PDLIM1: variants seen among roughly 807,000 people sequenced by gnomAD.
The protein encoded by PDLIM1 is PDZ and LIM domain 1.
Under a neutral mutation model 35.2 loss-of-function variants are expected in PDLIM1, and 25 were observed. That is an observed-to-expected ratio of 0.71 (90% CI 0.52 to 0.99). The LOEUF is 0.99. Among genes scored for constraint, PDLIM1 ranks in the 50% least tolerant of loss-of-function variants. The pLI is 0.00. For synonymous variants in PDLIM1, 152 were observed against 154.0 expected, an observed-to-expected ratio of 0.99 and a Z score of 0.10; for missense variants, 363 against 415.3, an observed-to-expected ratio of 0.87 and a Z score of 1.09.
intron 4 of PDLIM1, among the ~76,000 whole-genome samples, chr10:95,247,870 G>A (rs556970127): frequency 1.3e-5 from 2 of 152,334 alleles, no homozygotes; most frequent in South Asian, 2.1e-4. Context: ...AGGCACTTGG[G>A]TCTCCTCACC....
chr10:95,283,836 T>G (rs923012812), intron 1 of PDLIM1, among the ~76,000 whole-genome samples: 1 of 152,200 alleles, frequency 6.6e-6, no homozygotes, highest in Admixed American at 6.5e-5. Flanking sequence ...CTGCTAAACC[T>G]CCCTGTGCCC....
At chr10:95,266,688 A>G (rs1414396356) in intron 3 of PDLIM1, among the ~76,000 whole-genome samples, 1 of 152,216 alleles carries the variant, frequency 6.6e-6, no homozygotes, top group Non-Finnish European at 1.5e-5. Context: ...CACATTTCCA[A>G]TTAGAATGGA....
intron 1 of PDLIM1, among the ~76,000 whole-genome samples, chr10:95,285,883 A>C (rs1031498960): frequency 1.4e-4 from 21 of 152,344 alleles, no homozygotes; most frequent in African/African-American, 5.1e-4. Flanking sequence ...ATATGTTTTA[A>C]CTATGGTTAT....
chr10:95,262,532 C>T (rs1314844454), intron 4 of PDLIM1, among the ~76,000 whole-genome samples: 1 of 152,196 alleles, frequency 6.6e-6, no homozygotes, highest in African/African-American at 2.4e-5. Context: ...GCATGAGGCA[C>T]GTGGCTGGAG....
At chr10:95,261,006 C>T (rs1179509026) in intron 4 of PDLIM1, among the ~76,000 whole-genome samples, 2 of 152,194 alleles carry the variant, frequency 1.3e-5, no homozygotes, top group Non-Finnish European at 2.9e-5. Context: ...CTGGGTTCAG[C>T]CTCAAAGAGT....
intron 4 of PDLIM1, among the ~76,000 whole-genome samples, chr10:95,253,187 C>T (rs547259738): frequency 2.6e-5 from 4 of 152,092 alleles, no homozygotes; most frequent in African/African-American, 9.6e-5. Flanking sequence ...GATTTCTTAT[C>T]AGAATCCATA....
intron 2 of PDLIM1, 84 bp downstream of exon 2, chr10:95,271,549 G>T: frequency 8.4e-7 from 1 of 1,195,862 alleles, no homozygotes; most frequent in Non-Finnish European, 1.2e-6. Flanking sequence ...AGGTCTGGGG[G>T]ATTCTGAGAT....
chr10:95,282,487 G>A (rs1452717978), intron 1 of PDLIM1, among the ~76,000 whole-genome samples: 1 of 152,210 alleles, frequency 6.6e-6, no homozygotes, highest in Non-Finnish European at 1.5e-5. Context: ...CCTTAATCCA[G>A]CTTCACACTA....
At chr10:95,243,212 T>A (rs1012439802) in intron 5 of PDLIM1, among the ~76,000 whole-genome samples, 6 of 152,178 alleles carry the variant, frequency 3.9e-5, no homozygotes, top group African/African-American at 1.4e-4. Context: ...AGCCCTACAG[T>A]GCCACCTGTT....
intron 4 of PDLIM1, among the ~76,000 whole-genome samples, chr10:95,255,900 TACACACACACACACACACAC>T (rs59292355): frequency 7.2e-6 from 1 of 138,880 alleles, no homozygotes; most frequent in African/African-American, 2.7e-5. Flanking sequence ...CCCCCCCCAC[TACACACACACACACACACAC>T]ACACACACAC....
At chr10:95,275,440 A>T (rs1275634086) in intron 1 of PDLIM1, among the ~76,000 whole-genome samples, 1 of 152,184 alleles carries the variant, frequency 6.6e-6, no homozygotes, top group East Asian at 1.9e-4. Context: ...TATCCTCAAC[A>T]CCCAATAACT....
chr10:95,269,861 G>A (rs775776730), intron 2 of PDLIM1, among the ~76,000 whole-genome samples: 2 of 152,006 alleles, frequency 1.3e-5, no homozygotes, highest in African/African-American at 4.8e-5. Flanking sequence ...CCAGTCTCCC[G>A]AGTAGCTGAG....
chr10:95,290,964 C>G lies in PDLIM1; in HGVS notation c.-49G>C. The G allele has an allele frequency of 1.6e-6, 2 of 1,230,756 alleles. No homozygotes were observed. The highest frequency in any genetic ancestry group is 2.3e-6 in the Non-Finnish European group (2 of 881,360). 76.2% of individuals were successfully genotyped at this position (1,230,756 alleles called of 1,614,324 possible). ...CCCGCGGGGACAGACGGGCAGGACG[C>G]GCGGAACAGCTTGCAGGGCACCCCC... is the stretch of plus-strand genomic sequence containing the variant. On this transcript the variant is annotated 5_prime_UTR_variant, in exon 1 of 7. Transcript: ENST00000329399. This position sits in a 1 kb window ranked among gnomAD's most constrained non-coding sequence, Gnocchi z 4.7.
intron 4 of PDLIM1, among the ~76,000 whole-genome samples, chr10:95,252,812 A>C (rs1461974386): frequency 6.6e-6 from 1 of 152,200 alleles, no homozygotes; most frequent in African/African-American, 2.4e-5. Context: ...TGGAAGGTGA[A>C]TATTAGAAAT....
At chr10:95,252,752 G>A (rs1234537308) in intron 4 of PDLIM1, among the ~76,000 whole-genome samples, 3 of 152,096 alleles carry the variant, frequency 2.0e-5, no homozygotes, top group Middle Eastern at 3.2e-3. Flanking sequence ...AAACCACAGT[G>A]GATACACTCA....
chr10:95,253,334 G>C (rs2035283654), intron 4 of PDLIM1, among the ~76,000 whole-genome samples: 1 of 152,142 alleles, frequency 6.6e-6, no homozygotes, highest in Non-Finnish European at 1.5e-5. Flanking sequence ...GGGAAACTGA[G>C]AGCATTTATC....
intron 4 of PDLIM1, among the ~76,000 whole-genome samples, chr10:95,253,432 C>T (rs1308234631): frequency 3.3e-5 from 5 of 152,084 alleles, no homozygotes; most frequent in African/African-American, 7.2e-5. Context: ...GGCATGGTGG[C>T]TCACCTGAGG....
At chr10:95,289,052 T>C (rs1048029954) in intron 1 of PDLIM1, among the ~76,000 whole-genome samples, 1 of 152,230 alleles carries the variant, frequency 6.6e-6, no homozygotes, top group Non-Finnish European at 1.5e-5. Context: ...CACTCATGCA[T>C]TAAGACTTTT....
intron 5 of PDLIM1, among the ~76,000 whole-genome samples, chr10:95,241,128 G>A (rs765634944): frequency 1.3e-5 from 2 of 152,214 alleles, no homozygotes; most frequent in East Asian, 1.9e-4. Flanking sequence ...TCGGGCAATC[G>A]CGGGGCTGAC....
Sources: gnomAD v4.1 joint callset for allele counts (sites outside exome capture counted in the v4.1 genomes callset) on GRCh38, gnomAD v4.1.1 for gene constraint, Gnocchi (gnomAD v3.1) non-coding constraint, MANE v1.5 for transcripts, NCBI Gene and HGNC (gene_info 2026-07-23, HGNC 2026-07-21) for gene names.